The following ATP8A1 variants were observed in gnomAD, a reference collection of about 807,000 sequenced individuals.
ATP8A1 encodes ATPase phospholipid transporting 8A1.
In ATP8A1, 90 loss-of-function variants were observed where a neutral mutation model predicts 177.7. The ratio of observed to expected loss-of-function variants is 0.51; its 90% CI spans 0.43 to 0.60. ATP8A1 has a LOEUF of 0.60. Ranked by LOEUF, ATP8A1 falls within the 20% of genes least tolerant of loss-of-function variation. The pLI is 0.00. For missense variants in ATP8A1, 1,072 were observed against 1,392.8 expected (o/e 0.77, Z 3.67); for synonymous variants, 493 against 485.9 (o/e 1.01, Z -0.19).
intron 7 of ATP8A1, among the ~76,000 whole-genome samples, chr4:42,589,960 GA>G (rs1257121466): frequency 1.3e-5 from 2 of 151,878 alleles, no homozygotes; most frequent in African/African-American, 4.8e-5. Context: ...AATAAGCATC[GA>G]AATTCAGAAC....
At position 42,619,139 on chromosome 4, in the gene ATP8A1, T is replaced by C. The variant is rs950782302; in HGVS notation, c.364-3061A>G. ...ATCTCGGCTCATTGCAACCTCTGCCTCCAGGGTTCAAGCCATTCTCACCAG... is the reference window on the plus strand; with the variant it reads ...ATCTCGGCTCATTGCAACCTCTGCCCCCAGGGTTCAAGCCATTCTCACCAG... On this transcript the variant is annotated intron_variant, in intron 4 of 36. Transcript: ENST00000381668. Among the ~76,000 whole-genome samples the C allele has an allele frequency of 2.6e-5, 4 of 151,244 alleles. No individual in the cohort carries two copies. In the East Asian group the frequency reaches 7.8e-4, roughly 30 times the overall value.
chr4:42,457,260 G>A (rs1360139790), intron 27 of ATP8A1, among the ~76,000 whole-genome samples: 1 of 152,142 alleles, frequency 6.6e-6, no homozygotes, highest in East Asian at 1.9e-4. Flanking sequence ...TTCCTGGTGA[G>A]TATACACAAA....
rs377534431 is a variant in ATP8A1, at chr4:42,598,391, T to C, written c.450+2087A>G. On this transcript the variant is annotated intron_variant, in intron 6 of 36. Transcript: ENST00000381668. ...TTAAATCTGCTCCATGTTATTCTACTCATCAATGTCTATTTTTGCAAACCA... is the reference window on the plus strand; with the variant it reads ...TTAAATCTGCTCCATGTTATTCTACCCATCAATGTCTATTTTTGCAAACCA... 1.8e-4 allele frequency among the ~76,000 whole-genome samples: 28 copies of C among 152,278 alleles called. No homozygotes were observed. In the East Asian group the frequency reaches 1.9e-3, roughly 10 times the overall value.
At chr4:42,585,671 C>T (rs960204457) in intron 9 of ATP8A1, among the ~76,000 whole-genome samples, 4 of 151,822 alleles carry the variant, frequency 2.6e-5, no homozygotes, top group Non-Finnish European at 5.9e-5. Flanking sequence ...ACAGCCTGAA[C>T]AGACCAAGGC....
At position 42,551,950 on chromosome 4, in the gene ATP8A1, A is replaced by G. The variant is rs184362497; in HGVS notation, c.1519+555T>C. Among the ~76,000 whole-genome samples the G allele has an allele frequency of 4.8e-4, 73 of 152,304 alleles. 1 individual carries two copies. The East Asian group carries it at 0.011, about 23-fold the overall frequency. On this transcript the variant is annotated intron_variant, in intron 17 of 36. Coordinates refer to ENST00000381668, the MANE Select transcript of ATP8A1 (RefSeq NM_006095.2). ...AAACTGACTATCTGCCCAACTTTAC[A>G]TTGAAAACAGATCTAAAATTAAGCC...
chr4:42,540,694 AT>A (rs1230153707), intron 20 of ATP8A1, among the ~76,000 whole-genome samples: 1 of 152,020 alleles, frequency 6.6e-6, no homozygotes, highest in Non-Finnish European at 1.5e-5. Context: ...AATGACAAAC[AT>A]TGCATATTCT....
rs1166047141 is a variant in ATP8A1 at position 42,624,644 on chromosome 4, A to G, written c.265-10T>C. ...ACACATCAGGTATTTGCTGTTTGGA[A>G]AAAAAAAAAAAAGAGAAATCCAATG... On this transcript the variant is annotated splice_polypyrimidine_tract_variant and intron_variant, in intron 3 of 36. Coordinates refer to ENST00000381668, the MANE Select transcript of ATP8A1 (RefSeq NM_006095.2). 2.7e-5 allele frequency: 12 copies of G among 451,140 alleles called. No homozygotes were observed. Among genetic ancestry groups the G allele is most frequent in the Admixed American group, 1.7e-4 (1 of 5,896 alleles). 27.9% of individuals were successfully genotyped at this position (451,140 alleles called of 1,614,324 possible).
intron 22 of ATP8A1, among the ~76,000 whole-genome samples, chr4:42,514,553 C>T (rs1458919843): frequency 6.6e-6 from 1 of 152,166 alleles, no homozygotes; most frequent in Non-Finnish European, 1.5e-5. Flanking sequence ...GGCTGCCTCA[C>T]TAAGTAGCTG....
intron 1 of ATP8A1, among the ~76,000 whole-genome samples, chr4:42,630,055 A>G (rs1332058983): frequency 1.3e-5 from 2 of 152,234 alleles, no homozygotes; most frequent in African/African-American, 4.8e-5. Flanking sequence ...GTTATTCAAT[A>G]TGCACCAGAT....
At chr4:42,456,788 G>A (rs760967488) in intron 27 of ATP8A1, among the ~76,000 whole-genome samples, 3 of 152,046 alleles carry the variant, frequency 2.0e-5, no homozygotes, top group East Asian at 3.8e-4. Flanking sequence ...CTTGACATGC[G>A]GCTCAACTGA....
chr4:42,541,609 T>C (rs1009634197), intron 20 of ATP8A1, among the ~76,000 whole-genome samples: 5 of 152,100 alleles, frequency 3.3e-5, no homozygotes, highest in African/African-American at 1.2e-4. Context: ...ATGGCCAAAA[T>C]TGGAAAGAGA....
rs1308311329 is a variant in ATP8A1 at position 42,485,479 on chromosome 4, T to C, written c.2324+17A>G. ...GTCATTCTTTACTAAAATCTGACAATGATAAGGAGAACTTACCGACAGCAA... is the reference window on the plus strand; with the variant it reads ...GTCATTCTTTACTAAAATCTGACAACGATAAGGAGAACTTACCGACAGCAA... On this transcript the variant is annotated intron_variant, in intron 25 of 36. Transcript: ENST00000381668. 1 of 1,588,754 alleles carries C rather than the reference T, an allele frequency of 6.3e-7. No homozygotes were observed. The highest frequency in any genetic ancestry group is 8.6e-7 in the Non-Finnish European group (1 of 1,167,556).
chr4:42,422,096 A>AT lies in ATP8A1; in HGVS notation c.3305+710dup, dbSNP rs540647335. ...CAAACTATGATTTTGATTACATACT[A>AT]TTTTTTTTTCTGAGATGGAGTCTCG... On this transcript the variant is annotated intron_variant, in intron 35 of 36. Transcript: ENST00000381668. Among the ~76,000 whole-genome samples the AT allele has an allele frequency of 2.3e-4, 35 of 151,084 alleles. No individual in the cohort carries two copies. In the South Asian group the frequency reaches 2.7e-3, roughly 12 times the overall value.
rs543821085 is a variant in ATP8A1 at position 42,477,476 on chromosome 4, A to G, written c.2324+8020T>C. Among the ~76,000 whole-genome samples, 6 of 152,240 alleles carry G rather than the reference A, an allele frequency of 3.9e-5. No individual in the cohort carries two copies. The South Asian group carries it at 8.3e-4, about 21-fold the overall frequency. On this transcript the variant is annotated intron_variant, in intron 25 of 36. Transcript: ENST00000381668. ...ATATACGCCACAGCCAAGCAATCCC[A>G]TACCCATCCCCCTCTCTTTCTCTCT...
chr4:42,435,400 T>TG (rs1299721682), intron 33 of ATP8A1, among the ~76,000 whole-genome samples: 6 of 128,680 alleles, frequency 4.7e-5, no homozygotes, highest in Admixed American at 9.6e-5. Flanking sequence ...TACTCCAGCC[T>TG]GGGGGACAAG....
chr4:42,479,158 T>C (rs1721396413), intron 25 of ATP8A1, among the ~76,000 whole-genome samples: 1 of 152,202 alleles, frequency 6.6e-6, no homozygotes. Flanking sequence ...TTGTTACTTA[T>C]AGTCTTATTG....
In ATP8A1 at chr4:42,625,808, G is replaced by C. The variant is rs960071252; in HGVS notation, c.165-95C>G. The C allele has an allele frequency of 1.7e-5, 10 of 604,658 alleles. No homozygotes were observed. In the African/African-American group the frequency reaches 1.7e-4, roughly 10 times the overall value. 37.5% of individuals were successfully genotyped at this position (604,658 alleles called of 1,614,324 possible). A position where few individuals can be genotyped will look rare whatever the true frequency, so the allele number is the denominator to read the frequency against. On this transcript the variant is annotated intron_variant, in intron 2 of 36. Coordinates refer to ENST00000381668, the MANE Select transcript of ATP8A1 (RefSeq NM_006095.2). ...TACTAACATATAAAAAGTTAGATAAGGAACATTTGCCGGCTGTTTCAAATT... is the reference window on the plus strand; with the variant it reads ...TACTAACATATAAAAAGTTAGATAACGAACATTTGCCGGCTGTTTCAAATT...
chr4:42,557,719 A>G (rs1730387721), intron 15 of ATP8A1, among the ~76,000 whole-genome samples: 1 of 152,180 alleles, frequency 6.6e-6, no homozygotes, highest in Admixed American at 6.5e-5. Context: ...TTCTTCTAGA[A>G]AGTGACTTCC....
intron 24 of ATP8A1, among the ~76,000 whole-genome samples, chr4:42,500,385 CA>C (rs1417143700): frequency 6.6e-6 from 1 of 151,026 alleles, no homozygotes; most frequent in East Asian, 1.9e-4. Context: ...CAAAACAAAA[CA>C]AAACAAAACA....
Sources: gnomAD v4.1 joint callset for allele counts (sites outside exome capture counted in the v4.1 genomes callset) on GRCh38, gnomAD v4.1.1 for gene constraint, MANE v1.5 for transcripts, NCBI Gene and HGNC (gene_info 2026-07-23, HGNC 2026-07-21) for gene names.